Variants in PDLIM5 observed in about 807,000 individuals in gnomAD.
PDLIM5 encodes PDZ and LIM domain protein 5.
Under a neutral mutation model 64.2 loss-of-function variants are expected in PDLIM5, and 34 were observed. The observed-to-expected ratio is 0.53, with a 90% CI of 0.40 to 0.71. PDLIM5 has a LOEUF of 0.71. Ranked by LOEUF, PDLIM5 falls within the 30% of genes least tolerant of loss-of-function variation. The probability of loss-of-function intolerance (pLI) is 0.00; values close to 1 mark genes in which losing one functional copy is unlikely to be tolerated. For synonymous variants in PDLIM5, 253 were observed against 269.1 expected (o/e 0.94, Z 0.59); for missense variants, 683 against 733.6 (o/e 0.93, Z 0.80).
At chr4:94,571,756 A>T (rs1312621383) in intron 3 of PDLIM5, among the ~76,000 whole-genome samples, 1 of 152,246 alleles carries the variant, frequency 6.6e-6, no homozygotes, top group Admixed American at 6.5e-5. Context: ...AAAGAAAAGG[A>T]AGACAATTAC....
chr4:94,560,481 C>A (rs937453531), intron 3 of PDLIM5, among the ~76,000 whole-genome samples: 3 of 152,162 alleles, frequency 2.0e-5, no homozygotes, highest in African/African-American at 4.8e-5. Flanking sequence ...GTAGCTTTCA[C>A]AAAACAATAT....
intron 2 of PDLIM5, among the ~76,000 whole-genome samples, chr4:94,498,025 A>G (rs1419563924): frequency 1.3e-5 from 2 of 152,198 alleles, no homozygotes; most frequent in African/African-American, 4.8e-5. Flanking sequence ...AAGAACCAAA[A>G]GAGTTATTTT....
intron 2 of PDLIM5, among the ~76,000 whole-genome samples, chr4:94,519,021 G>T (rs1451580467): frequency 6.6e-6 from 1 of 152,188 alleles, no homozygotes; most frequent in East Asian, 1.9e-4. Context: ...AGTGACAAGA[G>T]GCCACCATTC....
chr4:94,556,035 C>T (rs1332378505), intron 3 of PDLIM5, among the ~76,000 whole-genome samples: 1 of 151,710 alleles, frequency 6.6e-6, no homozygotes, highest in Non-Finnish European at 1.5e-5. Context: ...AGGTATATCT[C>T]CTAATGCTAT....
At chr4:94,490,975 T>C (rs1726820149) in intron 2 of PDLIM5, among the ~76,000 whole-genome samples, 2 of 152,210 alleles carry the variant, frequency 1.3e-5, no homozygotes, top group African/African-American at 4.8e-5. Context: ...TTGTTTCTTA[T>C]ACAACTTTAT....
intron 4 of PDLIM5, chr4:94,573,712 G>A: frequency 1.0e-5 from 3 of 292,054 alleles, no homozygotes; most frequent in South Asian, 6.3e-5. Context: ...ATAAATAAGT[G>A]GTTACTGAAA....
At chr4:94,588,563 CTAAATAAATAAATAAA>C (rs70946537) in intron 7 of PDLIM5, among the ~76,000 whole-genome samples, 61 of 145,976 alleles carry the variant, frequency 4.2e-4, no homozygotes, top group Admixed American at 7.5e-4. Flanking sequence ...AACTCCATCT[CTAAATAAATAAATAAA>C]TAAATAAATA....
chr4:94,570,487 T>C (rs1025782338), intron 3 of PDLIM5, among the ~76,000 whole-genome samples: 1 of 152,246 alleles, frequency 6.6e-6, no homozygotes, highest in Non-Finnish European at 1.5e-5. Context: ...TATGCTGATA[T>C]ATAACTATTT....
At chr4:94,662,574 G>A (rs2110509774) in intron 12 of PDLIM5, 37 bp downstream of exon 12, 2 of 919,970 alleles carry the variant, frequency 2.2e-6, no homozygotes, top group Non-Finnish European at 3.6e-6. Flanking sequence ...AAGGGGTATA[G>A]TATGGCCAAT....
At chr4:94,484,074 T>C (rs1726102700) in intron 2 of PDLIM5, among the ~76,000 whole-genome samples, 1 of 152,188 alleles carries the variant, frequency 6.6e-6, no homozygotes, top group Non-Finnish European at 1.5e-5. Context: ...GTGCAAAGTA[T>C]GGTTTTACTA....
At chr4:94,586,323 A>T in intron 6 of PDLIM5, 85 bp from the exon 7 acceptor site, 1 of 722,696 alleles carries the variant, frequency 1.4e-6, no homozygotes, top group Non-Finnish European at 2.4e-6. Context: ...TGAACATTTG[A>T]TATTGATTGG....
In PDLIM5 at chr4:94,630,691, T is replaced by G. The variant is rs539793413; in HGVS notation, c.1109-9585T>G. On this transcript the variant is annotated intron_variant, in intron 8 of 12. Coordinates refer to ENST00000317968, the MANE Select transcript of PDLIM5 (RefSeq NM_006457.5). The stretch of plus-strand genomic sequence containing the variant: ...CGCCCGGCCTAGTATCCATTGATAT[T>G]TTCAATATCAGCCTTTCTTCTGACT... Among the ~76,000 whole-genome samples, 14 of 152,226 alleles carry G rather than the reference T, an allele frequency of 9.2e-5. No homozygotes were observed. The East Asian group carries it at 2.5e-3, about 27-fold the overall frequency.
At chr4:94,588,884 G>C (rs897775952) in intron 7 of PDLIM5, among the ~76,000 whole-genome samples, 4 of 152,142 alleles carry the variant, frequency 2.6e-5, no homozygotes, top group Admixed American at 2.6e-4. Flanking sequence ...CCTGCCAAAT[G>C]CATTTTAAAA....
chr4:94,590,503 T>C (rs546241789), intron 7 of PDLIM5, among the ~76,000 whole-genome samples: 2 of 152,322 alleles, frequency 1.3e-5, no homozygotes, highest in East Asian at 3.9e-4. Context: ...GAATAACAGA[T>C]AAATGTATAA....
At chr4:94,591,060 C>G (rs534310941) in intron 7 of PDLIM5, among the ~76,000 whole-genome samples, 48 of 152,178 alleles carry the variant, frequency 3.2e-4, no homozygotes, top group African/African-American at 1.2e-3. Flanking sequence ...ACAGAATATC[C>G]TGCAGAGCAT....
At chr4:94,546,372 A>G (rs1035499187) in intron 3 of PDLIM5, among the ~76,000 whole-genome samples, 1 of 152,194 alleles carries the variant, frequency 6.6e-6, no homozygotes, top group South Asian at 2.1e-4. Context: ...TCCAAGCGGA[A>G]TAGTTGCTCA....
intron 2 of PDLIM5, among the ~76,000 whole-genome samples, chr4:94,501,322 A>T (rs1578261444): frequency 6.6e-6 from 1 of 152,076 alleles, no homozygotes; most frequent in Non-Finnish European, 1.5e-5. Flanking sequence ...GAGCTCAAAA[A>T]GTCTATCCAC....
intron 2 of PDLIM5, chr4:94,456,443 C>T: frequency 1.4e-6 from 1 of 697,396 alleles, no homozygotes; most frequent in Non-Finnish European, 2.6e-6. Context: ...GGTGATCTGC[C>T]CACCTCGGCC....
At position 94,582,693 on chromosome 4, in the gene PDLIM5, T is replaced by G. The variant is rs759910587; in HGVS notation, c.711-2872T>G. The G allele has an allele frequency of 1.8e-5, 28 of 1,551,590 alleles. No homozygotes were observed. Among genetic ancestry groups the G allele is most frequent in the Admixed American group, 1.2e-4 (7 of 59,240 alleles). On this transcript the variant is annotated intron_variant, in intron 5 of 12. Coordinates refer to ENST00000317968, the MANE Select transcript of PDLIM5 (RefSeq NM_006457.5). ...CTTCTCTACTCTATCGCATCTTTTT[T>G]TGTGTGTGTTATTCTTCCCTCAGTA...
Sources: allele counts gnomAD v4.1 joint callset (sites outside exome capture counted in the v4.1 genomes callset), GRCh38; gene constraint gnomAD v4.1.1; transcripts MANE v1.5; gene names NCBI Gene and HGNC (gene_info 2026-07-23, HGNC 2026-07-21).